Variants in ITIH6 observed in about 807,000 individuals in gnomAD.
ITIH6 encodes the protein inter-alpha-trypsin inhibitor heavy chain H6.
A neutral mutation model predicts 58.2 loss-of-function variants in ITIH6; 60 were observed. The observed-to-expected ratio is 1.03, with a 90% confidence interval of 0.84 to 1.28. The LOEUF (loss-of-function observed/expected upper bound fraction) is 1.28. Among genes scored for constraint, ITIH6 ranks in the 50% most tolerant of loss-of-function variants. ITIH6 has a pLI of 0.00. For missense variants in ITIH6, 1,290 were observed against 1,021.1 expected (o/e 1.26, Z -3.59); for synonymous variants, 493 against 417.4 (o/e 1.18, Z -2.21).
chrX:54,776,872 G>A (rs777001225), intron 5 of ITIH6, among the ~76,000 whole-genome samples: 2 of 111,869 alleles, frequency 1.8e-5, no homozygotes, highest in Non-Finnish European at 3.8e-5. Flanking sequence ...TCCAAGCTGC[G>A]GTGGCTATTG....
At chrX:54,764,301 C>T (rs1276161776) in intron 6 of ITIH6, among the ~76,000 whole-genome samples, 1 of 106,802 alleles carries the variant, frequency 9.4e-6, no homozygotes, top group Non-Finnish European at 1.9e-5. Context: ...GGTACATGTG[C>T]ACATTGTGCA....
chrX:54,770,527 G>A (rs1928928116), intron 6 of ITIH6, among the ~76,000 whole-genome samples: 1 of 112,463 alleles, frequency 8.9e-6, no homozygotes, highest in South Asian at 3.6e-4. Flanking sequence ...AAAAATTTTA[G>A]CAGTTCCCTT....
At chrX:54,785,640 C>T (rs1344167382) in intron 5 of ITIH6, among the ~76,000 whole-genome samples, 3 of 111,845 alleles carry the variant, frequency 2.7e-5, no homozygotes, top group East Asian at 5.6e-4. Flanking sequence ...GTTTCCCCTG[C>T]GATCTGCGAC....
At chrX:54,759,308 AC>A (rs368552046) in intron 7 of ITIH6, among the ~76,000 whole-genome samples, 6 of 108,117 alleles carry the variant, frequency 5.5e-5, no homozygotes, top group South Asian at 8.1e-4. Context: ...CAAGGCTAGC[AC>A]CCCCCCCTCC....
At chrX:54,781,376 A>G (rs1929144753) in intron 5 of ITIH6, among the ~76,000 whole-genome samples, 1 of 112,323 alleles carries the variant, frequency 8.9e-6, no homozygotes, top group Non-Finnish European at 1.9e-5. Context: ...ACTTAAACAA[A>G]TTTACAAGAA....
chrX:54,753,361 T>G (rs1602049504), intron 11 of ITIH6, among the ~76,000 whole-genome samples: 1 of 112,792 alleles, frequency 8.9e-6, no homozygotes, highest in African/African-American at 3.2e-5. Flanking sequence ...ACAATGTTTA[T>G]GTTTTTAATT....
At chrX:54,760,766 C>A (rs1928622240) in intron 6 of ITIH6, among the ~76,000 whole-genome samples, 1 of 111,270 alleles carries the variant, frequency 9.0e-6, no homozygotes, top group Non-Finnish European at 1.9e-5. Context: ...AGGACATGAA[C>A]TCATCATTTT....
chrX:54,756,249 C>T (rs1239733374), intron 8 of ITIH6, among the ~76,000 whole-genome samples: 1 of 111,415 alleles, frequency 9.0e-6, no homozygotes, highest in East Asian at 2.8e-4. Flanking sequence ...CACTCCTTCT[C>T]TTAGGAAGGC....
At chrX:54,761,966 C>T (rs1486608492) in intron 6 of ITIH6, among the ~76,000 whole-genome samples, 38 of 111,646 alleles carry the variant, frequency 3.4e-4, no homozygotes, top group Non-Finnish European at 6.4e-4. Context: ...TTTTTCCAAT[C>T]CTGTGAAGAA....
chrX:54,797,685 A>C (rs1255143513), intron 1 of ITIH6, among the ~76,000 whole-genome samples: 2 of 111,564 alleles, frequency 1.8e-5, no homozygotes, highest in Non-Finnish European at 3.8e-5. Flanking sequence ...GCACACAGCA[A>C]GTACAATATC....
intron 2 of ITIH6, among the ~76,000 whole-genome samples, chrX:54,793,592 T>C (rs1415368169): frequency 8.9e-6 from 1 of 112,368 alleles, no homozygotes; most frequent in Non-Finnish European, 1.9e-5. Context: ...TACCACTTTA[T>C]TTGCTGCTGT....
intron 6 of ITIH6, among the ~76,000 whole-genome samples, chrX:54,763,038 G>C (rs1928685341): frequency 8.9e-6 from 1 of 112,087 alleles, no homozygotes; most frequent in Admixed American, 9.5e-5. Flanking sequence ...CATACAGCTA[G>C]TCATTGATGG....
At position 54,795,475 on chromosome X, in the gene ITIH6, T is replaced by G. The variant is rs781074427; in HGVS notation, c.257+1467A>C. On this transcript the variant is annotated intron_variant, in intron 2 of 12. Transcript: ENST00000218436. ...ATAAGATGGTTTGGAGACCATTAAG[T>G]GAGACCCAAGGAGGTGCTCTAACAT... is the stretch of plus-strand genomic sequence containing the variant. Among the ~76,000 whole-genome samples, 4 of 111,770 alleles carry G rather than the reference T, an allele frequency of 3.6e-5. No individual in the cohort carries two copies. The South Asian group carries it at 1.5e-3, about 42-fold the overall frequency.
chrX:54,793,609 G>C (rs948820179), intron 2 of ITIH6, among the ~76,000 whole-genome samples: 2 of 112,208 alleles, frequency 1.8e-5, no homozygotes, highest in African/African-American at 6.5e-5. Flanking sequence ...CTGTACCCCT[G>C]GTGTCTGGAA....
chrX:54,757,408 C>A lies in ITIH6; in HGVS notation c.2666G>T (p.Arg889Ile), dbSNP rs2147601502. 2.1e-5 allele frequency: 25 copies of A among 1,210,141 alleles called. No individual in the cohort carries two copies. Among genetic ancestry groups the A allele is most frequent in the Non-Finnish European group, 2.8e-5 (25 of 894,870 alleles). The change falls in exon 8 of 13, where the codon AGA (arginine) becomes ATA (isoleucine). Residue 889 changes from arginine (R) to isoleucine (I), a missense_variant. Coordinates refer to ENST00000218436, the MANE Select transcript of ITIH6 (RefSeq NM_198510.3). ...AAGTGGGGGCCTTGGTCTGTCAGGT[C>A]TAGGAGGTAGTGGGGTTTGAGGCAT... ...PHMPQTPLPP[R>I]PDRPRPPLPE...
intron 5 of ITIH6, among the ~76,000 whole-genome samples, chrX:54,784,592 G>T (rs960448339): frequency 4.5e-5 from 5 of 112,124 alleles, no homozygotes; most frequent in African/African-American, 1.3e-4. Context: ...ATGAAAAGGT[G>T]CTCAACATCA....
intron 8 of ITIH6, 87 bp from the exon 9 acceptor site, chrX:54,755,196 C>A (rs1001682532): frequency 1.2e-6 from 1 of 803,113 alleles, no homozygotes; most frequent in African/African-American, 2.0e-5. Flanking sequence ...CCCTCACTGG[C>A]TCTGCAGGTT....
chrX:54,790,582 A>ATT (rs373790987), intron 4 of ITIH6, among the ~76,000 whole-genome samples: 5 of 103,058 alleles, frequency 4.9e-5, no homozygotes, highest in African/African-American at 1.1e-4. Context: ...CTTATCACTG[A>ATT]TTTTTTTTTT....
chrX:54,796,914 G>T lies in ITIH6; in HGVS notation c.257+28C>A, dbSNP rs368758723. 31 of 1,191,173 alleles carry T rather than the reference G, an allele frequency of 2.6e-5. No homozygotes were observed. The African/African-American group carries it at 5.3e-4, about 20-fold the overall frequency. On this transcript the variant is annotated intron_variant, in intron 2 of 12. Coordinates refer to ENST00000218436, the MANE Select transcript of ITIH6 (RefSeq NM_198510.3). ...CGAACAAATATATGCACAAATGAAT[G>T]AAGTGGTGACTTTGGAAGCAGACTT...
Sources: allele counts gnomAD v4.1 joint callset (sites outside exome capture counted in the v4.1 genomes callset), GRCh38; gene constraint gnomAD v4.1.1; transcripts MANE v1.5; gene names NCBI Gene and HGNC (gene_info 2026-07-23, HGNC 2026-07-21).